Variants in EPHB1 observed in about 807,000 individuals in gnomAD.
EPHB1 encodes EPH receptor B1, also known as ephrin type-B receptor 1.
In EPHB1, 30 loss-of-function variants were observed where a neutral mutation model predicts 94.4. The observed-to-expected ratio is 0.32, with a 90% CI of 0.24 to 0.43. The LOEUF (loss-of-function observed/expected upper bound fraction) is 0.43. EPHB1 is among the 20% of genes least tolerant of loss of function. The probability of loss-of-function intolerance (pLI) is 1.00; values close to 1 mark genes in which losing one functional copy is unlikely to be tolerated. For synonymous variants in EPHB1, 522 were observed against 489.1 expected (o/e 1.07, Z -0.89); for missense variants, 1,055 against 1,308.3 (o/e 0.81, Z 2.99).
chr3:134,805,730 G>A (rs895772259), intron 1 of EPHB1, among the ~76,000 whole-genome samples: 1 of 152,132 alleles, frequency 6.6e-6, no homozygotes, highest in African/African-American at 2.4e-5. Flanking sequence ...CTCTGTTTGT[G>A]TTGCATGTCT....
At chr3:135,025,368 C>G (rs868440746) in intron 3 of EPHB1, among the ~76,000 whole-genome samples, 3 of 73,142 alleles carry the variant, frequency 4.1e-5, no homozygotes, top group South Asian at 1.7e-3. Flanking sequence ...CCCCTCCCCC[C>G]ACCCCACAAC....
chr3:135,240,918 G>A (rs982330579), intron 12 of EPHB1, among the ~76,000 whole-genome samples: 3 of 152,068 alleles, frequency 2.0e-5, no homozygotes, highest in Non-Finnish European at 4.4e-5. Flanking sequence ...CAGGGCACAT[G>A]TGGCATATCC....
chr3:135,175,015 A>C (rs191663981), intron 9 of EPHB1, among the ~76,000 whole-genome samples: 1 of 152,138 alleles, frequency 6.6e-6, no homozygotes, highest in Non-Finnish European at 1.5e-5. Flanking sequence ...CTCCACTAAG[A>C]TGTCCACGGT....
intron 3 of EPHB1, among the ~76,000 whole-genome samples, chr3:135,040,915 C>T (rs377449488): frequency 8.5e-5 from 13 of 152,312 alleles, no homozygotes; most frequent in African/African-American, 3.1e-4. Flanking sequence ...ATAATTCCTT[C>T]CCCTTCCTAC....
At chr3:135,061,446 T>G (rs1010879575) in intron 3 of EPHB1, among the ~76,000 whole-genome samples, 1 of 146,908 alleles carries the variant, frequency 6.8e-6, no homozygotes, top group Non-Finnish European at 1.5e-5. Context: ...CTCCCACTTA[T>G]GAGTGAGAAC....
At chr3:134,870,829 T>C (rs1350377201) in intron 1 of EPHB1, among the ~76,000 whole-genome samples, 6 of 152,256 alleles carry the variant, frequency 3.9e-5, no homozygotes, top group African/African-American at 1.4e-4. Context: ...CTCTTAGCCA[T>C]GTCTGCCTGT....
chr3:135,025,177 T>C (rs1936114474), intron 3 of EPHB1, among the ~76,000 whole-genome samples: 1 of 138,104 alleles, frequency 7.2e-6, no homozygotes, highest in African/African-American at 2.7e-5. Context: ...TTTTTTTTTT[T>C]TTTTCAAGAA....
chr3:134,944,654 T>C (rs1250346687), intron 2 of EPHB1, among the ~76,000 whole-genome samples: 14 of 152,220 alleles, frequency 9.2e-5, no homozygotes, highest in Non-Finnish European at 1.6e-4. Context: ...AGAAGGCTAC[T>C]GTATTGTCCA....
intron 3 of EPHB1, among the ~76,000 whole-genome samples, chr3:135,029,600 G>A (rs1179506832): frequency 6.7e-6 from 1 of 150,106 alleles, no homozygotes; most frequent in African/African-American, 2.4e-5. Context: ...TCCGCTGTTA[G>A]TCTGATGGGC....
At chr3:135,215,505 A>G (rs916197684) in intron 12 of EPHB1, among the ~76,000 whole-genome samples, 1 of 152,132 alleles carries the variant, frequency 6.6e-6, no homozygotes, top group African/African-American at 2.4e-5. Context: ...GGATCCTATA[A>G]CTTTCTCACT....
chr3:135,191,631 A>T (rs1410746262), intron 10 of EPHB1, among the ~76,000 whole-genome samples: 1 of 151,668 alleles, frequency 6.6e-6, no homozygotes. Flanking sequence ...AACAGGATTC[A>T]ACAGATTTTT....
At chr3:135,020,674 C>A (rs960520291) in intron 3 of EPHB1, among the ~76,000 whole-genome samples, 2 of 152,156 alleles carry the variant, frequency 1.3e-5, no homozygotes, top group Non-Finnish European at 2.9e-5. Context: ...TTCAAGCTTT[C>A]CCTTTGTGAT....
chr3:134,950,596 A>G (rs1264978702), intron 2 of EPHB1, among the ~76,000 whole-genome samples: 1 of 152,306 alleles, frequency 6.6e-6, no homozygotes, highest in South Asian at 2.1e-4. Context: ...AGCATGTCAC[A>G]TGGTGAGAGA....
At chr3:135,258,901 G>T in intron 15 of EPHB1, 111 bp from the exon 16 acceptor site, 1 of 970,842 alleles carries the variant, frequency 1.0e-6, no homozygotes. Flanking sequence ...AAGCTAGTTG[G>T]ATTTTTGTAG....
intron 1 of EPHB1, among the ~76,000 whole-genome samples, 185 bp downstream of exon 1, chr3:134,795,874 C>T (rs958854452): frequency 2.0e-5 from 3 of 152,196 alleles, no homozygotes; most frequent in African/African-American, 7.2e-5. Context: ...CACCAGAGCG[C>T]CCCCGGCTGG....
chr3:135,156,805 A>C (rs1941370342), intron 6 of EPHB1, among the ~76,000 whole-genome samples: 1 of 152,230 alleles, frequency 6.6e-6, no homozygotes, highest in Non-Finnish European at 1.5e-5. Flanking sequence ...ATTTTTTGTC[A>C]GTTAATGAAG....
chr3:135,212,039 C>G (rs552998751), intron 12 of EPHB1, among the ~76,000 whole-genome samples: 140 of 152,216 alleles, frequency 9.2e-4, no homozygotes, highest in African/African-American at 2.9e-3. Flanking sequence ...TTTTTCTTCT[C>G]TTTTTCAGGT....
rs113778498 is a variant in EPHB1 at position 134,996,017 on chromosome 3, T to A, written c.805+43965T>A. On this transcript the variant is annotated intron_variant, in intron 3 of 15. Coordinates refer to ENST00000398015, the MANE Select transcript of EPHB1 (RefSeq NM_004441.5). Reference sequence around the variant, plus strand: ...TTTTACAATATATCATTTCTCTCCTTCATGTGAATGGATGTCCATGCTATC... The same window carrying A: ...TTTTACAATATATCATTTCTCTCCTACATGTGAATGGATGTCCATGCTATC... 5.8e-3 allele frequency among the ~76,000 whole-genome samples: 890 copies of A among 152,256 alleles called. 10 individuals carry two copies. The highest frequency in any genetic ancestry group is 0.02 in the African/African-American group (830 of 41,552).
chr3:135,232,645 C>G (rs1040161936), intron 12 of EPHB1, among the ~76,000 whole-genome samples: 2 of 152,138 alleles, frequency 1.3e-5, no homozygotes, highest in Admixed American at 6.5e-5. Flanking sequence ...ATTTTAAGAT[C>G]TTTTGAGGCT....
Sources: allele counts gnomAD v4.1 joint callset (sites outside exome capture counted in the v4.1 genomes callset), GRCh38; gene constraint gnomAD v4.1.1; transcripts MANE v1.5; gene names NCBI Gene and HGNC (gene_info 2026-07-23, HGNC 2026-07-21).